The following ITGA8 variants were observed in gnomAD, a reference collection of about 807,000 sequenced individuals.
ITGA8 encodes the protein integrin alpha-8.
Under a neutral mutation model 142.3 loss-of-function variants are expected in ITGA8, and 91 were observed. The ratio of observed to expected loss-of-function variants is 0.64; its 90% CI spans 0.54 to 0.76. The LOEUF is 0.76. Among genes scored for constraint, ITGA8 ranks in the 30% least tolerant of loss-of-function variants. The probability of loss-of-function intolerance (pLI) is 0.00; values close to 1 mark genes in which losing one functional copy is unlikely to be tolerated. For missense variants in ITGA8, 1,406 were observed against 1,327.7 expected, an observed-to-expected ratio of 1.06 and a Z score of -0.92; for synonymous variants, 505 against 485.2, an observed-to-expected ratio of 1.04 and a Z score of -0.54.
At chr10:15,705,527 T>C (rs970685464) in intron 2 of ITGA8, among the ~76,000 whole-genome samples, 1 of 152,192 alleles carries the variant, frequency 6.6e-6, no homozygotes, top group African/African-American at 2.4e-5. Context: ...CAGAAATTGG[T>C]TCCTGACTAT....
At chr10:15,672,598 C>T in intron 7 of ITGA8, 26 bp downstream of exon 7, 1 of 1,589,428 alleles carries the variant, frequency 6.3e-7, no homozygotes, top group Non-Finnish European at 8.5e-7. Context: ...TGAAAAACCA[C>T]AAATGTCTTG....
At chr10:15,678,565 T>A (rs1233152708) in intron 5 of ITGA8, among the ~76,000 whole-genome samples, 157 bp downstream of exon 5, 1 of 152,096 alleles carries the variant, frequency 6.6e-6, no homozygotes, top group African/African-American at 2.4e-5. Context: ...AATGGAAAAA[T>A]TTTTTTAGAA....
At chr10:15,656,236 A>G (rs74376923) in intron 10 of ITGA8, among the ~76,000 whole-genome samples, 10,485 of 152,252 alleles carry the variant, frequency 0.069, 481 homozygotes, top group Non-Finnish European at 0.095. Flanking sequence ...AGGAAGCATA[A>G]AAAGTTTTCA....
At chr10:15,547,660 G>A (rs575598102) in intron 27 of ITGA8, among the ~76,000 whole-genome samples, 4 of 152,318 alleles carry the variant, frequency 2.6e-5, no homozygotes, top group African/African-American at 9.6e-5. Context: ...CAGGAGTGGT[G>A]CATAATCTGT....
rs34758919 is a variant in ITGA8, at chr10:15,527,906, C to CTTTTTTTTTTT, written c.2982+3133_2982+3143dup. On this transcript the variant is annotated intron_variant, in intron 28 of 29. Coordinates refer to ENST00000378076, the MANE Select transcript of ITGA8 (RefSeq NM_003638.3). ...TTAAAGCAATTCCCTTTCGGCTGGG[C>CTTTTTTTTTTT]TTTTTTTTTTTTTTTTTTTTTTTTT... Among the ~76,000 whole-genome samples, 11 of 78,036 alleles carry CTTTTTTTTTTT rather than the reference C, an allele frequency of 1.4e-4. 5 individuals are homozygous for CTTTTTTTTTTT. The highest frequency in any genetic ancestry group is 1.9e-4 in the Non-Finnish European group (8 of 42,608). 51.2% of individuals were successfully genotyped at this position (78,036 alleles called of 152,430 possible). A position where few individuals can be genotyped will look rare whatever the true frequency, so the allele number is the denominator to read the frequency against.
intron 8 of ITGA8, among the ~76,000 whole-genome samples, chr10:15,666,083 C>T (rs1588708981): frequency 6.6e-6 from 1 of 152,186 alleles, no homozygotes; most frequent in Non-Finnish European, 1.5e-5. Flanking sequence ...ATGGGGATGG[C>T]ATTGAATCTA....
intron 10 of ITGA8, among the ~76,000 whole-genome samples, chr10:15,657,243 T>A (rs780565381): frequency 3.9e-5 from 6 of 152,212 alleles, no homozygotes; most frequent in Non-Finnish European, 5.9e-5. Flanking sequence ...AGTAAACAGA[T>A]CTGAGCAAAG....
At chr10:15,670,948 A>AC (rs917418327) in intron 8 of ITGA8, among the ~76,000 whole-genome samples, 13 of 151,284 alleles carry the variant, frequency 8.6e-5, no homozygotes, top group African/African-American at 3.2e-4. Context: ...TGTCTGTCTG[A>AC]CCCCCCACCG....
chr10:15,649,621 A>G (rs1427774032), intron 11 of ITGA8, among the ~76,000 whole-genome samples: 1 of 148,362 alleles, frequency 6.7e-6, no homozygotes, highest in African/African-American at 2.6e-5. Flanking sequence ...GTCTCAAAAA[A>G]AAAAAAAAAA....
intron 8 of ITGA8, 136 bp downstream of exon 8, chr10:15,671,467 A>C: frequency 4.9e-6 from 3 of 610,062 alleles, no homozygotes; most frequent in Non-Finnish European, 8.7e-6. Flanking sequence ...TTTTCTACAA[A>C]GTATAGGCAC....
At chr10:15,583,216 A>G (rs967225371) in intron 23 of ITGA8, among the ~76,000 whole-genome samples, 1 of 152,222 alleles carries the variant, frequency 6.6e-6, no homozygotes, top group South Asian at 2.1e-4. Context: ...TTTTGCAGGG[A>G]CATGGATGAA....
chr10:15,667,967 G>A (rs1198379056), intron 8 of ITGA8, among the ~76,000 whole-genome samples: 296 of 124,886 alleles, frequency 2.4e-3, no homozygotes, highest in Middle Eastern at 4.8e-3. Context: ...AGTAGGTGTG[G>A]TGTGGTGCTG....
At position 15,719,869 on chromosome 10, in the gene ITGA8, C is replaced by T; in HGVS notation, c.-98G>A. On this transcript the variant is annotated 5_prime_UTR_variant, in exon 1 of 30. Coordinates refer to ENST00000378076, the MANE Select transcript of ITGA8 (RefSeq NM_003638.3). ...GTGGAATCTGGCGGTCCCCAGCTGCCCGTGTCCCGGGTCGGTGCGCTCGGC... is the reference window on the plus strand; with the variant it reads ...GTGGAATCTGGCGGTCCCCAGCTGCTCGTGTCCCGGGTCGGTGCGCTCGGC... 2.1e-6 allele frequency: 2 copies of T among 966,872 alleles called. No individual in the cohort carries two copies. The highest frequency in any genetic ancestry group is 3.7e-5 in the South Asian group (1 of 26,790). The allele number at this position is 966,872 out of a possible 1,614,324, so 59.9% of individuals were successfully genotyped here. A position where few individuals can be genotyped will look rare whatever the true frequency, so the allele number is the denominator to read the frequency against.
At chr10:15,670,206 C>G (rs150374558) in intron 8 of ITGA8, among the ~76,000 whole-genome samples, 3 of 152,266 alleles carry the variant, frequency 2.0e-5, no homozygotes, top group Non-Finnish European at 2.9e-5. Context: ...TCATATGAAA[C>G]AAGATGGAAA....
intron 27 of ITGA8, among the ~76,000 whole-genome samples, chr10:15,537,176 A>G (rs1250671569): frequency 6.6e-6 from 1 of 152,206 alleles, no homozygotes; most frequent in Non-Finnish European, 1.5e-5. Context: ...AGTCATATCC[A>G]CCAAGAATTG....
chr10:15,614,429 G>C (rs1833357488), intron 14 of ITGA8, among the ~76,000 whole-genome samples: 1 of 152,112 alleles, frequency 6.6e-6, no homozygotes, highest in African/African-American at 2.4e-5. Context: ...AACTGAACCA[G>C]AACTTATGGG....
intron 9 of ITGA8, among the ~76,000 whole-genome samples, chr10:15,659,379 C>A (rs1175065155): frequency 6.6e-6 from 1 of 152,142 alleles, no homozygotes; most frequent in Non-Finnish European, 1.5e-5. Context: ...TTGTCCAAAT[C>A]CATTTCTGTT....
At chr10:15,676,390 C>T (rs990694343) in intron 6 of ITGA8, among the ~76,000 whole-genome samples, 2 of 152,146 alleles carry the variant, frequency 1.3e-5, no homozygotes, top group African/African-American at 2.4e-5. Flanking sequence ...TGTATTCCAG[C>T]TCCCTGTCAG....
chr10:15,677,333 TGC>T, intron 6 of ITGA8, among the ~76,000 whole-genome samples: 2 of 152,348 alleles, frequency 1.3e-5, no homozygotes, highest in African/African-American at 4.8e-5. Context: ...GTGATGGTTA[TGC>T]TAATTACCCT....
Sources: gnomAD v4.1 joint callset for allele counts (sites outside exome capture counted in the v4.1 genomes callset) on GRCh38, gnomAD v4.1.1 for gene constraint, MANE v1.5 for transcripts, NCBI Gene and HGNC (gene_info 2026-07-23, HGNC 2026-07-21) for gene names.